Variants in CDH5 observed in about 807,000 individuals in gnomAD.
CDH5 encodes cadherin 5, also known as cadherin-5.
In CDH5, 28 loss-of-function variants were observed where a neutral mutation model predicts 62.0. The observed-to-expected ratio is 0.45, with a 90% CI of 0.33 to 0.62. The LOEUF (loss-of-function observed/expected upper bound fraction) is 0.62, where lower values mean the gene tolerates loss of function less well. CDH5 is among the 20% of genes least tolerant of loss of function. The pLI is 0.02. For missense variants in CDH5, 940 were observed against 1,065.1 expected (o/e 0.88, Z 1.63); for synonymous variants, 464 against 445.8 (o/e 1.04, Z -0.52).
Position 66,389,361 on chromosome 16 carries a change from G to C in CDH5, c.620G>C (p.Arg207Pro). 1.9e-6 allele frequency: 3 copies of C among 1,609,564 alleles called. No individual in the cohort carries two copies. Among genetic ancestry groups the C allele is most frequent in the Non-Finnish European group, 1.7e-6 (2 of 1,177,292 alleles). ...CCTGCTGGGAATCTTTTTGCAGGAC[G>C]TATTATCACAATAACGAAAAGCTTG... ...KEYFAIDNSG[R>P]IITITKSLDR... Residue 207 changes from arginine to proline, a missense_variant, in exon 5 of 12, where the codon CGT becomes CCT. Physicochemically the swap from Arg to Pro is moderately radical, Grantham distance 103. Coordinates refer to ENST00000341529, the MANE Select transcript of CDH5 (RefSeq NM_001795.5).
rs771104392 is a variant in CDH5, at chr16:66,404,571, T to C, written c.*1402T>C. 1 of 152,350 alleles carries C rather than the reference T, an allele frequency of 6.6e-6. No individual in the cohort carries two copies. Among genetic ancestry groups the C allele is most frequent in the Non-Finnish European group, 1.5e-5 (1 of 68,050 alleles). The allele number at this position is 152,350 out of a possible 1,614,324, so 9.4% of individuals were successfully genotyped here. A position where few individuals can be genotyped will look rare whatever the true frequency, so the allele number is the denominator to read the frequency against. On this transcript the variant is annotated 3_prime_UTR_variant, in exon 12 of 12. Transcript: ENST00000341529. ...CAAGTTTCTAGCTCTCACAGACATA[T>C]AGAATAAGGGTTTTTGCATAATAAG...
Position 66,392,177 on chromosome 16 carries a change from C to G in CDH5, c.1011C>G (p.Val337=), listed in dbSNP as rs925139568. 4 of 1,614,006 alleles carry G rather than the reference C, an allele frequency of 2.5e-6. No individual in the cohort carries two copies. The East Asian group carries it at 6.7e-5, about 27-fold the overall frequency. The part of the protein sequence containing the change: ...YEYIQQYSFI[V]EATDPTIDLR... ...ACATCCAGCAATACAGCTTCATCGT[C>G]GAGGCCACAGACCCCACCATCGACC... The change falls in exon 7 of 12, where the codon GTC becomes GTG. Residue 337 remains valine, a synonymous_variant. Transcript: ENST00000341529.
rs766324217 is a variant in CDH5 at position 66,402,707 on chromosome 16, C to A, written c.1893C>A (p.His631Gln). Reference sequence around the variant, plus strand: ...GGCTCCGGAAGCAGGCCCGCGCGCACGGCAAGAGCGTGCCGGAGATCCACG... The same window carrying A: ...GGCTCCGGAAGCAGGCCCGCGCGCAAGGCAAGAGCGTGCCGGAGATCCACG... ...RRRLRKQARAHGKSVPEIHEQ... is the reference protein window; with the variant it reads ...RRRLRKQARAQGKSVPEIHEQ... The change falls in exon 12 of 12, where the codon CAC becomes CAA. Residue 631 changes from histidine (H) to glutamine (Q), a missense_variant. Transcript: ENST00000341529. 11 of 1,609,162 alleles carry A rather than the reference C, an allele frequency of 6.8e-6. No homozygotes were observed. Among genetic ancestry groups the A allele is most frequent in the Non-Finnish European group, 8.5e-6 (10 of 1,179,078 alleles).
intron 6 of CDH5, 145 bp from the exon 7 acceptor site, chr16:66,391,987 CTCAG>C: frequency 1.1e-6 from 1 of 938,218 alleles, no homozygotes. Flanking sequence ...TCTTGATGAC[CTCAG>C]AAATATCACT....
At chr16:66,385,898 T>C (rs1050301482) in intron 2 of CDH5, among the ~76,000 whole-genome samples, 30 of 152,254 alleles carry the variant, frequency 2.0e-4, no homozygotes, top group African/African-American at 6.3e-4. Flanking sequence ...AGCTGGTTCT[T>C]GAAAGCCAAG....
rs1961184250 is a variant in CDH5 at position 66,396,277 on chromosome 16, A to G, written c.1360+76A>G. On this transcript the variant is annotated intron_variant, in intron 8 of 11. Transcript: ENST00000341529. The stretch of plus-strand genomic sequence containing the variant: ...TTCTTCCAAAACTGGCATAATCAAT[A>G]ATTTGGGGTCTCTAGACGTATTAGA... 3.8e-6 allele frequency: 6 copies of G among 1,582,120 alleles called. No individual in the cohort carries two copies. In the Admixed American group the frequency reaches 1.0e-4, roughly 27 times the overall value.
At chr16:66,395,900 G>A (rs1444757198) in intron 7 of CDH5, 159 bp from the exon 8 acceptor site, 1 of 655,314 alleles carries the variant, frequency 1.5e-6, no homozygotes, top group African/African-American at 1.8e-5. Context: ...CCTCTGTGTA[G>A]GTCCACTCTT....
intron 2 of CDH5, among the ~76,000 whole-genome samples, chr16:66,382,464 G>A (rs1261095155): frequency 2.0e-5 from 3 of 152,154 alleles, no homozygotes; most frequent in Admixed American, 6.5e-5. Flanking sequence ...CGAGCTCTGT[G>A]TCATACAGGA....
intron 3 of CDH5, among the ~76,000 whole-genome samples, chr16:66,388,082 C>T (rs1168540581): frequency 6.6e-6 from 1 of 152,180 alleles, no homozygotes; most frequent in African/African-American, 2.4e-5. Flanking sequence ...CCCTCATTTC[C>T]CCAGGAAGCA....
At chr16:66,367,053 G>A (rs1185505698) in intron 1 of CDH5, among the ~76,000 whole-genome samples, 1 of 152,248 alleles carries the variant, frequency 6.6e-6, no homozygotes, top group Non-Finnish European at 1.5e-5. Flanking sequence ...GCCTTCATCA[G>A]TGCCAGGCTC....
At chr16:66,383,472 A>G (rs1567463017) in intron 2 of CDH5, among the ~76,000 whole-genome samples, 1 of 152,154 alleles carries the variant, frequency 6.6e-6, no homozygotes, top group Admixed American at 6.5e-5. Flanking sequence ...GGATATTCAC[A>G]TGAAATTGTA....
At chr16:66,389,213 G>C in intron 4 of CDH5, 145 bp from the exon 5 acceptor site, 1 of 721,012 alleles carries the variant, frequency 1.4e-6, no homozygotes, top group Non-Finnish European at 2.2e-6. Context: ...TGGAGGTAGT[G>C]GGTTGTAGAC....
At chr16:66,398,203 A>T in intron 9 of CDH5, 97 bp downstream of exon 9, 1 of 1,413,930 alleles carries the variant, frequency 7.1e-7, no homozygotes, top group South Asian at 1.2e-5. Flanking sequence ...TCCCCTGTAC[A>T]ATAGCCTTGA....
Position 66,387,051 on chromosome 16 carries a change from C to T in CDH5, c.453C>T (p.Phe151=). ...ACGTGAACGACAACTGGCCTGTGTT[C>T]ACGCATCGGTTGTTCAATGCGTCCG... ...VHDVNDNWPV[F]THRLFNASVP... Residue 151 remains phenylalanine (F), a synonymous_variant, in exon 3 of 12, where the codon TTC becomes TTT. Coordinates refer to ENST00000341529, the MANE Select transcript of CDH5 (RefSeq NM_001795.5). 3 of 1,614,148 alleles carry T rather than the reference C, an allele frequency of 1.9e-6. No individual in the cohort carries two copies. The highest frequency in any genetic ancestry group is 2.5e-6 in the Non-Finnish European group (3 of 1,180,010).
chr16:66,393,337 A>G (rs1961122189), intron 7 of CDH5, among the ~76,000 whole-genome samples: 1 of 152,224 alleles, frequency 6.6e-6, no homozygotes, highest in Non-Finnish European at 1.5e-5. Flanking sequence ...CCTATAAAGA[A>G]ATAGTTAAGA....
At chr16:66,369,299 A>G (rs985256491) in intron 1 of CDH5, among the ~76,000 whole-genome samples, 12 of 152,176 alleles carry the variant, frequency 7.9e-5, no homozygotes, top group African/African-American at 2.7e-4. Context: ...AATGAGGTCA[A>G]GCGTAAGTTG....
At chr16:66,399,488 G>A (rs1208789316) in intron 10 of CDH5, among the ~76,000 whole-genome samples, 1 of 152,204 alleles carries the variant, frequency 6.6e-6, no homozygotes, top group Non-Finnish European at 1.5e-5. Context: ...GGGGAGTGGG[G>A]TCCCTGAAAG....
At chr16:66,372,360 G>C (rs1342732795) in intron 1 of CDH5, among the ~76,000 whole-genome samples, 2 of 152,244 alleles carry the variant, frequency 1.3e-5, no homozygotes, top group Non-Finnish European at 2.9e-5. Context: ...GGACTCTAGA[G>C]AGAGCTTCAG....
intron 7 of CDH5, among the ~76,000 whole-genome samples, chr16:66,393,564 T>C (rs1016621612): frequency 2.4e-4 from 36 of 152,284 alleles, no homozygotes; most frequent in Non-Finnish European, 3.8e-4. Context: ...AACCCATTCA[T>C]GAGAACTCTG....
Sources: allele counts gnomAD v4.1 joint callset (sites outside exome capture counted in the v4.1 genomes callset), GRCh38; gene constraint gnomAD v4.1.1; transcripts MANE v1.5; gene names NCBI Gene and HGNC (gene_info 2026-07-23, HGNC 2026-07-21).